MYO18B: variants seen among roughly 807,000 people sequenced by gnomAD.
MYO18B encodes the protein unconventional myosin-XVIIIb.
A neutral mutation model predicts 273.0 loss-of-function variants in MYO18B; 204 were observed. The observed-to-expected ratio is 0.75, with a 90% confidence interval of 0.67 to 0.84. MYO18B has a LOEUF of 0.84. Among genes scored for constraint, MYO18B ranks in the 40% least tolerant of loss-of-function variants. The probability of loss-of-function intolerance (pLI) is 0.00; values close to 1 mark genes in which losing one functional copy is unlikely to be tolerated. For synonymous variants in MYO18B, 1,330 were observed against 1,305.7 expected (o/e 1.02, Z -0.40); for missense variants, 3,212 against 3,287.6 (o/e 0.98, Z 0.56).
chr22:25,847,321 G>C (rs1262856148), intron 19 of MYO18B, 109 bp from the exon 20 acceptor site: 1 of 936,692 alleles, frequency 1.1e-6, no homozygotes, highest in Admixed American at 2.4e-5. Context: ...TGGGACATAG[G>C]GGCCCCAAAG....
At chr22:25,898,667 C>T (rs913338936) in intron 29 of MYO18B, 5 of 560,770 alleles carry the variant, frequency 8.9e-6, no homozygotes, top group African/African-American at 1.9e-5. Context: ...TAGCCAGCCT[C>T]AACTATGTGG....
chr22:26,004,998 C>T lies in MYO18B; in HGVS notation c.6470+143C>T, dbSNP rs114744579. 1.0e-3 allele frequency: 1,068 copies of T among 1,038,558 alleles called. 7 individuals carry two copies. The African/African-American group carries it at 0.015, about 15-fold the overall frequency. 64.3% of individuals were successfully genotyped at this position (1,038,558 alleles called of 1,614,324 possible). Reference sequence around the variant, plus strand: ...GAAAGTCTGGGGTATAACTCTGCCACTTCCTAGCTGTGTGACTTTAGGCAG... The same window carrying T: ...GAAAGTCTGGGGTATAACTCTGCCATTTCCTAGCTGTGTGACTTTAGGCAG... On this transcript the variant is annotated intron_variant, in intron 42 of 43. Transcript: ENST00000335473.
At chr22:25,757,342 T>C (rs989931955) in intron 1 of MYO18B, among the ~76,000 whole-genome samples, 3 of 152,176 alleles carry the variant, frequency 2.0e-5, no homozygotes, top group Admixed American at 1.3e-4. Context: ...GGCTCACGCC[T>C]GTTATCCCAG....
At chr22:25,828,471 C>T (rs370832801) in intron 14 of MYO18B, among the ~76,000 whole-genome samples, 8 of 151,348 alleles carry the variant, frequency 5.3e-5, no homozygotes, top group African/African-American at 1.9e-4. Context: ...GCCTAGGCTT[C>T]ATATGGTAGC....
chr22:26,024,599 C>T (rs1466868305), intron 42 of MYO18B, among the ~76,000 whole-genome samples: 2 of 152,224 alleles, frequency 1.3e-5, no homozygotes, highest in East Asian at 1.9e-4. Context: ...CTCCTCCACC[C>T]ATCTGACATA....
At chr22:25,853,611 G>A (rs2090485817) in intron 21 of MYO18B, among the ~76,000 whole-genome samples, 1 of 152,216 alleles carries the variant, frequency 6.6e-6, no homozygotes, top group African/African-American at 2.4e-5. Flanking sequence ...GCCACTGAGA[G>A]GGTCTTGGGC....
chr22:25,859,675 T>G (rs2090673837), intron 21 of MYO18B, among the ~76,000 whole-genome samples: 1 of 152,202 alleles, frequency 6.6e-6, no homozygotes, highest in Admixed American at 6.5e-5. Context: ...TCTCTTTTTT[T>G]GTGAAACTCT....
At chr22:25,823,420 T>C in intron 12 of MYO18B, 85 bp from the exon 13 acceptor site, 1 of 1,417,192 alleles carries the variant, frequency 7.1e-7, no homozygotes, top group Non-Finnish European at 9.6e-7. Flanking sequence ...GGGAGGGTGC[T>C]GAGATTCTCC....
chr22:25,815,865 T>A (rs745468604), intron 12 of MYO18B, among the ~76,000 whole-genome samples: 1 of 152,224 alleles, frequency 6.6e-6, no homozygotes, highest in Non-Finnish European at 1.5e-5. Context: ...CACCTGCTCA[T>A]AGTCCCCAGA....
At chr22:25,845,880 C>T (rs569519050) in intron 18 of MYO18B, among the ~76,000 whole-genome samples, 5 of 152,294 alleles carry the variant, frequency 3.3e-5, no homozygotes, top group East Asian at 3.9e-4. Flanking sequence ...AGGTAGAAGA[C>T]GGGCATCAGG....
chr22:25,974,153 T>C (rs2093064499), intron 39 of MYO18B, among the ~76,000 whole-genome samples: 1 of 152,234 alleles, frequency 6.6e-6, no homozygotes, highest in Non-Finnish European at 1.5e-5. Context: ...CTTCCTCTAA[T>C]ACAACAGCAT....
chr22:25,860,350 T>C (rs533563606), intron 21 of MYO18B, among the ~76,000 whole-genome samples: 1 of 152,342 alleles, frequency 6.6e-6, no homozygotes, highest in Non-Finnish European at 1.5e-5. Context: ...TATTGTCTTC[T>C]ATTGATTTCC....
chr22:25,986,493 CTG>C, intron 39 of MYO18B, among the ~76,000 whole-genome samples: 1 of 152,174 alleles, frequency 6.6e-6, no homozygotes, highest in East Asian at 1.9e-4. Flanking sequence ...GTACTTGACT[CTG>C]AGGGTTTCAA....
intron 27 of MYO18B, among the ~76,000 whole-genome samples, chr22:25,891,683 A>G (rs1223745174): frequency 6.6e-6 from 1 of 152,210 alleles, no homozygotes; most frequent in African/African-American, 2.4e-5. Context: ...ATTTTTAAAT[A>G]GTGGCTTTAT....
Position 26,004,716 on chromosome 22 carries a change from A to G in MYO18B, c.6333-2A>G. On this transcript the variant is annotated splice_acceptor_variant, in intron 41 of 43. Transcript: ENST00000335473. LOFTEE classifies it high-confidence loss of function. ...TGATGGTGTCCTGCAATCTTATTCTAGGGATAACGTCTCCATCCTCAGCTC... is the reference window on the plus strand; with the variant it reads ...TGATGGTGTCCTGCAATCTTATTCTGGGGATAACGTCTCCATCCTCAGCTC... 1 of 1,613,488 alleles carries G rather than the reference A, an allele frequency of 6.2e-7. No homozygotes were observed. Among genetic ancestry groups the G allele is most frequent in the Middle Eastern group, 1.7e-4 (1 of 6,058 alleles).
intron 40 of MYO18B, 105 bp from the exon 41 acceptor site, chr22:26,003,160 G>A: frequency 9.8e-7 from 1 of 1,019,804 alleles, no homozygotes; most frequent in South Asian, 1.4e-5. Context: ...CAGGGGCAAA[G>A]GTTGGAAGTG....
At chr22:26,049,263 G>T in the MYO18B span, among the ~76,000 whole-genome samples, 3 of 152,188 alleles carry the variant, frequency 2.0e-5, no homozygotes, top group Non-Finnish European at 4.4e-5. Context: ...TCTATCTAGA[G>T]ACCCAAGGAG....
chr22:25,843,435 TA>T (rs2090143061), intron 17 of MYO18B, among the ~76,000 whole-genome samples: 1 of 152,196 alleles, frequency 6.6e-6, no homozygotes, highest in African/African-American at 2.4e-5. Flanking sequence ...AAACATCAAG[TA>T]AATCACAGTC....
In MYO18B at chr22:25,895,333, C is replaced by G. The variant is rs1569162796; in HGVS notation, c.4668+53C>G. On this transcript the variant is annotated intron_variant, in intron 28 of 43. Transcript: ENST00000335473. ...AGAAGTGTTAGAGAGTGGGCAGGCT[C>G]TCACCTCCACTGTGGGTGATCGAGG... 4 of 1,547,798 alleles carry G rather than the reference C, an allele frequency of 2.6e-6. No individual in the cohort carries two copies. The East Asian group carries it at 9.7e-5, about 37-fold the overall frequency.
Sources: gnomAD v4.1 joint callset for allele counts (sites outside exome capture counted in the v4.1 genomes callset) on GRCh38, gnomAD v4.1.1 for gene constraint, MANE v1.5 for transcripts, NCBI Gene and HGNC (gene_info 2026-07-23, HGNC 2026-07-21) for gene names.